The following UST variants were observed in gnomAD, a reference collection of about 807,000 sequenced individuals.
UST encodes chondroitin sulfate 2-O-sulfotransferase.
In UST, 21 loss-of-function variants were observed where a neutral mutation model predicts 45.6. That is an observed-to-expected ratio of 0.46 (90% CI 0.33 to 0.66). The LOEUF is 0.66. Among genes scored for constraint, UST ranks in the 30% least tolerant of loss-of-function variants. UST has a pLI of 0.02. For synonymous variants in UST, 215 were observed against 200.6 expected (o/e 1.07, Z -0.61); for missense variants, 463 against 512.4 (o/e 0.90, Z 0.93).
intron 7 of UST, among the ~76,000 whole-genome samples, chr6:149,064,600 C>T (rs2115043532): frequency 6.6e-6 from 1 of 152,234 alleles, no homozygotes; most frequent in South Asian, 2.1e-4. Context: ...ACCAGTGAGG[C>T]CTAATTGAAG....
intron 1 of UST, among the ~76,000 whole-genome samples, chr6:148,843,489 A>G (rs1447941492): frequency 2.0e-5 from 3 of 152,230 alleles, no homozygotes; most frequent in Non-Finnish European, 4.4e-5. Flanking sequence ...AAAGTGAGCT[A>G]ATGTTTTGAA....
chr6:148,889,500 T>G (rs906052996), intron 2 of UST, among the ~76,000 whole-genome samples: 4 of 152,102 alleles, frequency 2.6e-5, no homozygotes, highest in Non-Finnish European at 5.9e-5. Context: ...AGTGACTTCC[T>G]TTTTCTCCCA....
intron 1 of UST, among the ~76,000 whole-genome samples, chr6:148,814,814 A>T (rs921147228): frequency 2.0e-5 from 3 of 152,140 alleles, no homozygotes; most frequent in African/African-American, 7.2e-5. Flanking sequence ...CTTCAGGGTG[A>T]TGGGGGCTTC....
At chr6:149,070,140 A>C (rs1295866840) in intron 7 of UST, among the ~76,000 whole-genome samples, 1 of 152,098 alleles carries the variant, frequency 6.6e-6, no homozygotes, top group Admixed American at 6.5e-5. Flanking sequence ...AGATAACAAA[A>C]CCCTACACAA....
At chr6:148,949,146 C>A (rs1780307162) in intron 3 of UST, among the ~76,000 whole-genome samples, 1 of 151,878 alleles carries the variant, frequency 6.6e-6, no homozygotes, top group Non-Finnish European at 1.5e-5. Context: ...CAAAAATTAG[C>A]TGGGCGTGGT....
intron 1 of UST, among the ~76,000 whole-genome samples, chr6:148,873,040 A>G (rs1181953626): frequency 6.6e-6 from 1 of 152,086 alleles, no homozygotes; most frequent in Non-Finnish European, 1.5e-5. Flanking sequence ...TATCGCAACC[A>G]CCCTTCAAAA....
intron 2 of UST, among the ~76,000 whole-genome samples, chr6:148,931,777 C>T (rs1398996186): frequency 6.6e-6 from 1 of 152,242 alleles, no homozygotes. Context: ...TTAAACAGGA[C>T]TTCCACATCC....
At chr6:149,017,128 A>G (rs1286650238) in intron 5 of UST, among the ~76,000 whole-genome samples, 4 of 152,260 alleles carry the variant, frequency 2.6e-5, no homozygotes, top group African/African-American at 9.6e-5. Flanking sequence ...CTGTAATCCC[A>G]GCTCTTTGGG....
At chr6:149,013,526 CAAAAAAAAAAGA>C (rs1358849646) in intron 5 of UST, among the ~76,000 whole-genome samples, 2 of 145,272 alleles carry the variant, frequency 1.4e-5, no homozygotes, top group African/African-American at 2.6e-5. Context: ...AACTCTGTCT[CAAAAAAAAAAGA>C]GAAAAAAAAA....
rs962955402 is a variant in UST at position 149,076,348 on chromosome 6, T to G, written c.*2232T>G. ...CTCACAATCTGAAAATAAAGTTGAG[T>G]TGGCTGTGTTTTCTCTGCTCTTGTC... On this transcript the variant is annotated 3_prime_UTR_variant, in exon 8 of 8. Coordinates refer to ENST00000367463, the MANE Select transcript of UST (RefSeq NM_005715.3). The G allele has an allele frequency of 1.3e-5, 2 of 152,216 alleles. No individual in the cohort carries two copies. Among genetic ancestry groups the G allele is most frequent in the Non-Finnish European group, 2.9e-5 (2 of 68,036 alleles). The allele number at this position is 152,216 out of a possible 1,614,324, so 9.4% of individuals were successfully genotyped here.
chr6:148,998,426 C>T lies in UST; in HGVS notation c.682-20713C>T, dbSNP rs116686579. ...AATTCAACTTTTCACCAAAATCTGC[C>T]GTATTCCTTCTGATCTCTGGCCTAC... On this transcript the variant is annotated intron_variant, in intron 5 of 7. Coordinates refer to ENST00000367463, the MANE Select transcript of UST (RefSeq NM_005715.3). Among the ~76,000 whole-genome samples, 1,025 of 152,268 alleles carry T rather than the reference C, an allele frequency of 6.7e-3. 12 individuals carry two copies. The highest frequency in any genetic ancestry group is 0.024 in the African/African-American group (988 of 41,540).
chr6:148,803,547 A>G (rs1037732724), intron 1 of UST, among the ~76,000 whole-genome samples: 1 of 152,206 alleles, frequency 6.6e-6, no homozygotes, highest in Non-Finnish European at 1.5e-5. Flanking sequence ...TTTCTGTAGT[A>G]GTCTTCTAAC....
chr6:148,918,532 C>G (rs1308153130), intron 2 of UST, among the ~76,000 whole-genome samples: 3 of 152,148 alleles, frequency 2.0e-5, no homozygotes, highest in African/African-American at 7.2e-5. Flanking sequence ...ATAGGGCCAT[C>G]ATCTTTAGAT....
intron 5 of UST, among the ~76,000 whole-genome samples, chr6:148,982,327 G>T (rs1489933437): frequency 1.3e-5 from 2 of 152,070 alleles, no homozygotes; most frequent in Non-Finnish European, 2.9e-5. Context: ...TCGAACACTT[G>T]ACCTCAAATG....
At chr6:148,801,406 C>T (rs1318108693) in intron 1 of UST, among the ~76,000 whole-genome samples, 1 of 152,060 alleles carries the variant, frequency 6.6e-6, no homozygotes, top group African/African-American at 2.4e-5. Context: ...AATGAGGGTT[C>T]CTAGACTAGA....
At chr6:149,040,572 T>C (rs1776298033) in intron 7 of UST, among the ~76,000 whole-genome samples, 1 of 152,160 alleles carries the variant, frequency 6.6e-6, no homozygotes, top group African/African-American at 2.4e-5. Flanking sequence ...GGATTATCAC[T>C]TGAACCCAGG....
rs561715163 is a variant in UST, at chr6:148,857,660, C to G, written c.248-29326C>G. Among the ~76,000 whole-genome samples the G allele has an allele frequency of 3.3e-5, 5 of 151,254 alleles. No individual in the cohort carries two copies. The East Asian group carries it at 9.8e-4, about 30-fold the overall frequency. On this transcript the variant is annotated intron_variant, in intron 1 of 7. Transcript: ENST00000367463. ...GAAGATTCCAGGTGGTCTTGAAGTG[C>G]TCTTACCCCTTATGAAATTTCCCAG...
chr6:149,041,925 T>C (rs1254637566), intron 7 of UST, among the ~76,000 whole-genome samples: 4 of 152,180 alleles, frequency 2.6e-5, no homozygotes, highest in Admixed American at 2.6e-4. Flanking sequence ...ATACAATATA[T>C]TGACAGCTGA....
At chr6:148,936,752 A>G (rs1780034432) in intron 2 of UST, among the ~76,000 whole-genome samples, 1 of 151,962 alleles carries the variant, frequency 6.6e-6, no homozygotes, top group Admixed American at 6.6e-5. Context: ...CTGAAGTGCA[A>G]TGGCGCGATC....
Sources: gnomAD v4.1 joint callset for allele counts (sites outside exome capture counted in the v4.1 genomes callset) on GRCh38, gnomAD v4.1.1 for gene constraint, MANE v1.5 for transcripts, NCBI Gene and HGNC (gene_info 2026-07-23, HGNC 2026-07-21) for gene names.